Variants in RAD17 observed in about 807,000 individuals in gnomAD.
RAD17 encodes the protein RAD17 checkpoint clamp loader component.
In RAD17, 31 loss-of-function variants were observed where a neutral mutation model predicts 81.5. The observed-to-expected ratio is 0.38, with a 90% CI of 0.29 to 0.51. The LOEUF (loss-of-function observed/expected upper bound fraction) is 0.51. Among genes scored for constraint, RAD17 ranks in the 20% least tolerant of loss-of-function variants. RAD17 has a pLI of 0.88. For missense variants in RAD17, 681 were observed against 781.2 expected (o/e 0.87, Z 1.53); for synonymous variants, 261 against 266.2 (o/e 0.98, Z 0.19).
chr5:69,408,596 C>T (rs1169065190), intron 17 of RAD17, among the ~76,000 whole-genome samples: 1 of 148,818 alleles, frequency 6.7e-6, no homozygotes, highest in South Asian at 2.1e-4. Context: ...CTGCAACCTC[C>T]GCCTCCTGGG....
Position 69,384,953 on chromosome 5 carries a change from T to TA in RAD17, c.645+20_645+21insA. ...GTTGAAGTAAGGACAACTTTTAAAA[T>TA]CTTTTTTTTTTTTTTTTTGAAATGG... On this transcript the variant is annotated intron_variant, in intron 8 of 18. Transcript: ENST00000354868. 4.1e-6 allele frequency: 6 copies of TA among 1,460,668 alleles called. No individual in the cohort carries two copies. Among genetic ancestry groups the TA allele is most frequent in the South Asian group, 1.3e-5 (1 of 76,682 alleles). The allele number at this position is 1,460,668 out of a possible 1,614,324, so 90.5% of individuals were successfully genotyped here.
chr5:69,375,377 A>G (rs1383946217), intron 6 of RAD17, among the ~76,000 whole-genome samples: 1 of 152,158 alleles, frequency 6.6e-6, no homozygotes, highest in Non-Finnish European at 1.5e-5. Context: ...GTCATTATTT[A>G]TTTTAGACTG....
At chr5:69,372,456 T>C (rs1373791559) in intron 4 of RAD17, among the ~76,000 whole-genome samples, 1 of 152,162 alleles carries the variant, frequency 6.6e-6, no homozygotes, top group African/African-American at 2.4e-5. Flanking sequence ...GAAAGAAATA[T>C]ATAACTTGGT....
intron 18 of RAD17, among the ~76,000 whole-genome samples, chr5:69,413,312 GCCT>G: frequency 6.6e-6 from 1 of 152,118 alleles, no homozygotes; most frequent in Non-Finnish European, 1.5e-5. Flanking sequence ...GATGGCATGT[GCCT>G]GTAATCCCAG....
chr5:69,377,421 G>A (rs28653667), intron 6 of RAD17, among the ~76,000 whole-genome samples: 520 of 20,866 alleles, frequency 0.025, 15 homozygotes, highest in Middle Eastern at 0.05. Context: ...TTAGGTATAT[G>A]TGTGTGTGTG....
At chr5:69,408,809 C>T (rs1765794007) in intron 17 of RAD17, among the ~76,000 whole-genome samples, 1 of 152,160 alleles carries the variant, frequency 6.6e-6, no homozygotes, top group African/African-American at 2.4e-5. Flanking sequence ...CTGTGCCTGA[C>T]TACTCCCTAA....
rs776132543 is a variant in RAD17 at position 69,393,245 on chromosome 5, G to A, written c.1275+5G>A. 2 of 1,595,222 alleles carry A rather than the reference G, an allele frequency of 1.3e-6. No homozygotes were observed. The highest frequency in any genetic ancestry group is 1.1e-5 in the South Asian group (1 of 89,926). ...ACATTACTTGTTGAACCTGAGGTAA[G>A]TTCTTTGATGACACTTAGTATAGGT... On this transcript the variant is annotated splice_donor_5th_base_variant and intron_variant, in intron 14 of 18. Coordinates refer to ENST00000354868, the MANE Select transcript of RAD17 (RefSeq NM_133338.3).
intron 17 of RAD17, among the ~76,000 whole-genome samples, chr5:69,406,436 A>G (rs748514543): frequency 2.6e-5 from 4 of 152,192 alleles, no homozygotes; most frequent in Non-Finnish European, 5.9e-5. Context: ...TGTAGGAGGA[A>G]TAAATTCAAG....
At chr5:69,387,858 C>A (rs972422629) in intron 11 of RAD17, among the ~76,000 whole-genome samples, 2 of 151,638 alleles carry the variant, frequency 1.3e-5, no homozygotes, top group Non-Finnish European at 1.5e-5. Context: ...ACTCTGTATC[C>A]CAAAAAAAAG....
At chr5:69,377,602 T>C (rs1192128014) in intron 6 of RAD17, among the ~76,000 whole-genome samples, 2 of 57,662 alleles carry the variant, frequency 3.5e-5, no homozygotes, top group African/African-American at 1.0e-4. Flanking sequence ...TATATGCATA[T>C]ATATATGTAT....
chr5:69,407,930 A>G (rs1407818984), intron 17 of RAD17, among the ~76,000 whole-genome samples: 2 of 151,800 alleles, frequency 1.3e-5, no homozygotes, highest in Non-Finnish European at 2.9e-5. Flanking sequence ...TAGTTATTGT[A>G]CCTTTTGACT....
At chr5:69,396,684 C>G (rs1205155171) in intron 16 of RAD17, 138 bp downstream of exon 16, 1 of 991,302 alleles carries the variant, frequency 1.0e-6, no homozygotes, top group Admixed American at 3.5e-5. Flanking sequence ...TTGCTAAGGT[C>G]CACAATTAGA....
chr5:69,377,650 C>CAT (rs372091039), intron 6 of RAD17, among the ~76,000 whole-genome samples: 316 of 22,410 alleles, frequency 0.014, 130 homozygotes, highest in Non-Finnish European at 0.043. Context: ...TATATATATG[C>CAT]ATATATATAT....
At chr5:69,384,148 A>C (rs1463248547) in intron 7 of RAD17, 1 of 151,596 alleles carries the variant, frequency 6.6e-6, no homozygotes, top group East Asian at 2.0e-4. Context: ...CCTGGGCGAC[A>C]GAGCAAGATT....
At position 69,374,088 on chromosome 5, in the gene RAD17, G is replaced by A; in HGVS notation, c.267+1G>A. On this transcript the variant is annotated splice_donor_variant, in intron 5 of 18. Coordinates refer to ENST00000354868, the MANE Select transcript of RAD17 (RefSeq NM_133338.3). LOFTEE classifies it high-confidence loss of function. Reference sequence around the variant, plus strand: ...GGATAAATATAAACCAGAAACTCAGGTACTGAAAAGCATGCAGACATATCT... The same window carrying A: ...GGATAAATATAAACCAGAAACTCAGATACTGAAAAGCATGCAGACATATCT... 6.2e-7 allele frequency: 1 copy of A among 1,602,828 alleles called. No individual in the cohort carries two copies. Among genetic ancestry groups the A allele is most frequent in the Non-Finnish European group, 8.5e-7 (1 of 1,175,304 alleles).
At chr5:69,383,545 AT>A (rs1162330897) in intron 7 of RAD17, among the ~76,000 whole-genome samples, 4 of 151,534 alleles carry the variant, frequency 2.6e-5, no homozygotes, top group African/African-American at 7.3e-5. Context: ...TGCCCGGCTT[AT>A]TTTTGTATTT....
At position 69,396,586 on chromosome 5, in the gene RAD17, A is replaced by T. The variant is rs1260870994; in HGVS notation, c.1572+40A>T. 6 of 1,456,190 alleles carry T rather than the reference A, an allele frequency of 4.1e-6. No homozygotes were observed. The Admixed American group carries it at 1.5e-4, about 38-fold the overall frequency. The allele number at this position is 1,456,190 out of a possible 1,614,324, so 90.2% of individuals were successfully genotyped here. ...AAAAATTCTGTACTTTCAATATGTGAACTTTATGGTACGTGAATTATAACT... is the reference window on the plus strand; with the variant it reads ...AAAAATTCTGTACTTTCAATATGTGTACTTTATGGTACGTGAATTATAACT... On this transcript the variant is annotated intron_variant, in intron 16 of 18. Coordinates refer to ENST00000354868, the MANE Select transcript of RAD17 (RefSeq NM_133338.3).
chr5:69,396,190 AG>A (rs1764874114), intron 15 of RAD17, among the ~76,000 whole-genome samples: 1 of 152,198 alleles, frequency 6.6e-6, no homozygotes, highest in Non-Finnish European at 1.5e-5. Flanking sequence ...AGATCCAGTC[AG>A]GGTTTACACA....
intron 17 of RAD17, among the ~76,000 whole-genome samples, chr5:69,401,762 C>T (rs192602998): frequency 0.01 from 1,575 of 151,598 alleles, 7 homozygotes; most frequent in Non-Finnish European, 0.015. Context: ...CCAAGACGGG[C>T]GGATCACAAG....
Sources: allele counts gnomAD v4.1 joint callset (sites outside exome capture counted in the v4.1 genomes callset), GRCh38; gene constraint gnomAD v4.1.1; transcripts MANE v1.5; gene names NCBI Gene and HGNC (gene_info 2026-07-23, HGNC 2026-07-21).